The following PLCL1 variants were observed in gnomAD, a reference collection of about 807,000 sequenced individuals.
PLCL1 encodes phospholipase C like 1 (inactive).
A neutral mutation model predicts 84.4 loss-of-function variants in PLCL1; 41 were observed. The ratio of observed to expected loss-of-function variants is 0.49; its 90% CI spans 0.38 to 0.63. PLCL1 has a LOEUF of 0.63. PLCL1 is among the 30% of genes least tolerant of loss of function. PLCL1 has a pLI of 0.00. For synonymous variants in PLCL1, 490 were observed against 488.3 expected, an observed-to-expected ratio of 1.00 and a Z score of -0.05; for missense variants, 1,206 against 1,367.8, an observed-to-expected ratio of 0.88 and a Z score of 1.87.
chr2:197,935,115 T>C (rs1426721770), intron 1 of PLCL1, among the ~76,000 whole-genome samples: 2 of 152,096 alleles, frequency 1.3e-5, no homozygotes, highest in African/African-American at 4.8e-5. Flanking sequence ...ATGGCTGTTA[T>C]GAAAAAGTAA....
At chr2:197,817,543 T>C (rs1690715648) in intron 1 of PLCL1, among the ~76,000 whole-genome samples, 1 of 152,120 alleles carries the variant, frequency 6.6e-6, no homozygotes, top group African/African-American at 2.4e-5. Flanking sequence ...AACTCCCAAG[T>C]AGCTGGAACT....
intron 1 of PLCL1, among the ~76,000 whole-genome samples, chr2:197,897,452 C>G (rs1688175707): frequency 6.6e-6 from 1 of 151,966 alleles, no homozygotes; most frequent in Non-Finnish European, 1.5e-5. Context: ...CCTGCTCTAC[C>G]AACTAATAGC....
intron 2 of PLCL1, 58 bp downstream of exon 2, chr2:198,086,290 G>A (rs552956296): frequency 2.5e-6 from 3 of 1,217,274 alleles, no homozygotes; most frequent in African/African-American, 3.1e-5. Context: ...CCCGTATAAT[G>A]TTTTATTAAT....
At chr2:197,897,156 C>G (rs1366620377) in intron 1 of PLCL1, among the ~76,000 whole-genome samples, 1 of 32,386 alleles carries the variant, frequency 3.1e-5, no homozygotes, top group Non-Finnish European at 5.5e-5. Flanking sequence ...TCTTCTTCTT[C>G]TTCTTCTTCT....
intron 5 of PLCL1, among the ~76,000 whole-genome samples, chr2:198,135,739 T>C (rs1286656240): frequency 6.6e-6 from 1 of 152,234 alleles, no homozygotes; most frequent in East Asian, 1.9e-4. Context: ...TATCTTATGG[T>C]ATCTTCAGAA....
intron 4 of PLCL1, 106 bp from the exon 5 acceptor site, chr2:198,103,721 A>G (rs188980489): frequency 5.2e-6 from 3 of 575,760 alleles, no homozygotes; most frequent in African/African-American, 3.9e-5. Flanking sequence ...GGAAATTATG[A>G]GAAGACAGGA....
At chr2:198,006,262 A>G (rs749349980) in intron 1 of PLCL1, among the ~76,000 whole-genome samples, 20 of 152,190 alleles carry the variant, frequency 1.3e-4, no homozygotes, top group Admixed American at 7.9e-4. Context: ...AATTTTCTGA[A>G]GATGGGCAGC....
intron 1 of PLCL1, among the ~76,000 whole-genome samples, chr2:197,894,031 G>C (rs978099938): frequency 1.3e-5 from 2 of 151,760 alleles, no homozygotes; most frequent in Non-Finnish European, 2.9e-5. Flanking sequence ...GTAAGGGGTG[G>C]GGGGTAGTGC....
At chr2:197,978,655 T>G (rs1184301701) in intron 1 of PLCL1, among the ~76,000 whole-genome samples, 1 of 152,140 alleles carries the variant, frequency 6.6e-6, no homozygotes, top group African/African-American at 2.4e-5. Flanking sequence ...AGTAAGATAA[T>G]TATTTAGACA....
chr2:198,091,838 T>C (rs1039122479), intron 3 of PLCL1, among the ~76,000 whole-genome samples: 2 of 152,174 alleles, frequency 1.3e-5, no homozygotes, highest in African/African-American at 4.8e-5. Flanking sequence ...CGGAAACTCC[T>C]GACTGTGGCT....
chr2:197,828,719 G>A (rs190368443), intron 1 of PLCL1, among the ~76,000 whole-genome samples: 117 of 152,146 alleles, frequency 7.7e-4, no homozygotes, highest in South Asian at 4.2e-3. Flanking sequence ...ATCCATAATC[G>A]AATATTCCAG....
chr2:198,130,492 T>C (rs76947651), intron 5 of PLCL1, among the ~76,000 whole-genome samples: 2,353 of 152,226 alleles, frequency 0.015, 51 homozygotes, highest in African/African-American at 0.053. Context: ...TCTTTATCTC[T>C]TGATGATCCC....
chr2:198,044,730 A>G (rs1446118896), intron 1 of PLCL1, among the ~76,000 whole-genome samples: 11 of 152,202 alleles, frequency 7.2e-5, no homozygotes, highest in Non-Finnish European at 1.6e-4. Flanking sequence ...GAAAATAAAA[A>G]TTGCTCTTAA....
At chr2:198,028,190 C>T (rs1691320649) in intron 1 of PLCL1, among the ~76,000 whole-genome samples, 1 of 151,844 alleles carries the variant, frequency 6.6e-6, no homozygotes, top group South Asian at 2.1e-4. Context: ...AAGACTTTCT[C>T]AAAATAAAAA....
Position 198,085,615 on chromosome 2 carries a change from A to G in PLCL1, c.2098A>G (p.Met700Val). 2.5e-6 allele frequency: 4 copies of G among 1,614,138 alleles called. No homozygotes were observed. Among genetic ancestry groups the G allele is most frequent in the Non-Finnish European group, 3.4e-6 (4 of 1,180,002 alleles). ...GCGYVLRPSI[M>V]RDEVSYFSAN... ...TGGTTATGTTCTAAGGCCGTCTATA[A>G]TGCGAGATGAAGTTTCTTACTTCAG... Residue 700 changes from methionine to valine, a missense_variant, in exon 2 of 6, where the codon ATG becomes GTG. Met to Val is a conservative substitution (Grantham distance 21, BLOSUM62 1). Transcript: ENST00000428675. The surrounding 1 kb of genome is among the most constrained non-coding windows in gnomAD (Gnocchi z 5.3).
At chr2:198,042,911 T>C (rs146175823) in intron 1 of PLCL1, among the ~76,000 whole-genome samples, 132 of 152,278 alleles carry the variant, frequency 8.7e-4, no homozygotes, top group African/African-American at 3.0e-3. Context: ...GAATATGTCA[T>C]CATCAGTATC....
intron 1 of PLCL1, among the ~76,000 whole-genome samples, chr2:197,959,799 T>C (rs979035390): frequency 1.3e-5 from 2 of 152,110 alleles, no homozygotes; most frequent in Non-Finnish European, 2.9e-5. Context: ...ACAGTGTAGC[T>C]GAGCCACAGA....
intron 1 of PLCL1, among the ~76,000 whole-genome samples, chr2:197,818,800 G>A (rs1690744615): frequency 6.6e-6 from 1 of 152,046 alleles, no homozygotes; most frequent in African/African-American, 2.4e-5. Context: ...TGAGTTACTG[G>A]ACCATCAGAG....
intron 5 of PLCL1, among the ~76,000 whole-genome samples, chr2:198,108,760 CT>C (rs1186591840): frequency 2.0e-5 from 3 of 151,938 alleles, no homozygotes; most frequent in Non-Finnish European, 4.4e-5. Context: ...TTGTGTTTTT[CT>C]TTAATTCATA....
Sources: allele counts gnomAD v4.1 joint callset (sites outside exome capture counted in the v4.1 genomes callset), GRCh38; gene constraint gnomAD v4.1.1; non-coding constraint Gnocchi (gnomAD v3.1); transcripts MANE v1.5; gene names NCBI Gene and HGNC (gene_info 2026-07-23, HGNC 2026-07-21).